Variants in CDH4 observed in about 807,000 individuals in gnomAD.
CDH4 encodes cadherin 4.
CDH4 carries 33 observed loss-of-function variants against 86.0 expected under a neutral mutation model. The ratio of observed to expected loss-of-function variants is 0.38; its 90% CI spans 0.29 to 0.51. CDH4 has a LOEUF of 0.51. Ranked by LOEUF, CDH4 falls within the 20% of genes least tolerant of loss-of-function variation. The pLI, the probability that CDH4 is intolerant of heterozygous loss-of-function variation, is 0.86. For missense variants in CDH4, 1,114 were observed against 1,307.4 expected, an observed-to-expected ratio of 0.85 and a Z score of 2.28; for synonymous variants, 555 against 549.4, an observed-to-expected ratio of 1.01 and a Z score of -0.14.
intron 9 of CDH4, among the ~76,000 whole-genome samples, chr20:61,923,073 C>T (rs1007125806): frequency 3.3e-5 from 5 of 152,186 alleles, no homozygotes; most frequent in Non-Finnish European, 5.9e-5. Context: ...TGGCCAACAA[C>T]GTCAGGAGCC....
chr20:61,466,315 G>A (rs906503663), intron 2 of CDH4, among the ~76,000 whole-genome samples: 1 of 152,322 alleles, frequency 6.6e-6, no homozygotes, highest in African/African-American at 2.4e-5. Context: ...CACCAAGATA[G>A]GCGGCTTTGC....
chr20:61,628,188 G>A (rs769212480), intron 2 of CDH4, among the ~76,000 whole-genome samples: 23 of 152,120 alleles, frequency 1.5e-4, no homozygotes, highest in Admixed American at 9.8e-4. Context: ...TCACATGTGC[G>A]GTTTCCCCTT....
At chr20:61,293,444 G>A (rs6101297) in intron 2 of CDH4, among the ~76,000 whole-genome samples, 57 of 152,264 alleles carry the variant, frequency 3.7e-4, no homozygotes, top group African/African-American at 1.3e-3. Context: ...CCAGGTGCCC[G>A]GCAGGCGTGC....
intron 7 of CDH4, among the ~76,000 whole-genome samples, chr20:61,877,785 A>G (rs1002887499): frequency 1.3e-5 from 2 of 152,226 alleles, no homozygotes; most frequent in African/African-American, 4.8e-5. Context: ...CATGTGGACC[A>G]GCATCGTGGG....
Position 61,929,725 on chromosome 20 carries a change from G to A in CDH4, c.2122G>A (p.Val708Ile). Residue 708 changes from valine to isoleucine, a missense_variant, in exon 13 of 16, where the codon GTC (valine) becomes ATC (isoleucine). By Grantham distance (29) the Val-to-Ile change is conservative. Coordinates refer to ENST00000614565, the MANE Select transcript of CDH4 (RefSeq NM_001794.5). ...PPLSNTSIIKVKVCPCDDNGD... is the reference protein window; with the variant it reads ...PPLSNTSIIKIKVCPCDDNGD... ...CCTGTCCAACACGTCCATCATCAAAGTCAAGGTGTGCCCATGTGATGACAA... is the reference window on the plus strand; with the variant it reads ...CCTGTCCAACACGTCCATCATCAAAATCAAGGTGTGCCCATGTGATGACAA... The A allele has an allele frequency of 6.2e-7, 1 of 1,614,206 alleles. No individual in the cohort carries two copies. Among genetic ancestry groups the A allele is most frequent in the Non-Finnish European group, 8.5e-7 (1 of 1,180,026 alleles).
intron 2 of CDH4, among the ~76,000 whole-genome samples, chr20:61,279,940 T>C (rs1294453967): frequency 6.6e-5 from 10 of 152,158 alleles, no homozygotes; most frequent in Non-Finnish European, 1.5e-5. Context: ...CACCAGGGCC[T>C]GTTGGTTGCA....
At chr20:61,653,763 G>A (rs1600843279) in intron 2 of CDH4, among the ~76,000 whole-genome samples, 1 of 111,572 alleles carries the variant, frequency 9.0e-6, no homozygotes, top group Non-Finnish European at 2.1e-5. Context: ...CGGGGCAGAG[G>A]CGCTCCCCAC....
At chr20:61,328,071 T>C (rs1236967443) in intron 2 of CDH4, among the ~76,000 whole-genome samples, 2 of 152,224 alleles carry the variant, frequency 1.3e-5, no homozygotes. Flanking sequence ...TTGTTAAATG[T>C]ACAGTTTAGC....
chr20:61,800,466 G>A (rs1156615797), intron 4 of CDH4, among the ~76,000 whole-genome samples: 1 of 152,230 alleles, frequency 6.6e-6, no homozygotes, highest in Non-Finnish European at 1.5e-5. Context: ...CTCCACGGGG[G>A]ATGGTGCTTC....
intron 2 of CDH4, among the ~76,000 whole-genome samples, chr20:61,403,471 C>T (rs1466450557): frequency 1.3e-5 from 2 of 152,098 alleles, no homozygotes; most frequent in Non-Finnish European, 2.9e-5. Flanking sequence ...GTCTACGGTC[C>T]CCTCTCTAGA....
intron 4 of CDH4, among the ~76,000 whole-genome samples, chr20:61,792,717 C>A (rs1265419594): frequency 6.6e-6 from 1 of 151,848 alleles, no homozygotes; most frequent in African/African-American, 2.4e-5. Flanking sequence ...GTGGCATGAT[C>A]TCAGCTCACT....
chr20:61,306,882 G>A (rs893210326), intron 2 of CDH4, among the ~76,000 whole-genome samples: 2 of 152,138 alleles, frequency 1.3e-5, no homozygotes, highest in African/African-American at 4.8e-5. Flanking sequence ...TGTACGCCTG[G>A]CTTCTTTCCT....
chr20:61,414,156 G>A (rs980259301), intron 2 of CDH4, among the ~76,000 whole-genome samples: 5 of 152,236 alleles, frequency 3.3e-5, no homozygotes, highest in Admixed American at 6.5e-5. Context: ...ATACAGTCAC[G>A]TTCTGTGCTG....
intron 2 of CDH4, among the ~76,000 whole-genome samples, chr20:61,567,074 G>T (rs2086303988): frequency 6.6e-6 from 1 of 152,188 alleles, no homozygotes; most frequent in Non-Finnish European, 1.5e-5. Context: ...GTTAGCATGG[G>T]ACTCAACCTG....
At chr20:61,661,209 C>T (rs890082342) in intron 2 of CDH4, among the ~76,000 whole-genome samples, 1 of 152,134 alleles carries the variant, frequency 6.6e-6, no homozygotes, top group African/African-American at 2.4e-5. Context: ...CTGTCACCGT[C>T]AGCCGGTGGT....
At chr20:61,626,372 G>A (rs1283300510) in intron 2 of CDH4, among the ~76,000 whole-genome samples, 4 of 152,156 alleles carry the variant, frequency 2.6e-5, no homozygotes, top group African/African-American at 9.7e-5. Flanking sequence ...TGCGTTTTCT[G>A]TCTGGCCTTG....
intron 4 of CDH4, among the ~76,000 whole-genome samples, chr20:61,786,007 A>C (rs989683137): frequency 6.6e-6 from 1 of 152,244 alleles, no homozygotes; most frequent in Middle Eastern, 3.4e-3. Context: ...CTCCCCTGTA[A>C]GTGGACTGTG....
At chr20:61,537,199 G>A (rs1055717631) in intron 2 of CDH4, among the ~76,000 whole-genome samples, 1 of 152,194 alleles carries the variant, frequency 6.6e-6, no homozygotes, top group Non-Finnish European at 1.5e-5. Flanking sequence ...TGCTGCCTTT[G>A]TCACATGGTA....
chr20:61,498,167 T>C (rs972382117), intron 2 of CDH4, among the ~76,000 whole-genome samples: 1 of 151,738 alleles, frequency 6.6e-6, no homozygotes, highest in Non-Finnish European at 1.5e-5. Context: ...GTAACTAACC[T>C]GCACGTTGTG....
Sources: gnomAD v4.1 joint callset for allele counts (sites outside exome capture counted in the v4.1 genomes callset) on GRCh38, gnomAD v4.1.1 for gene constraint, MANE v1.5 for transcripts, NCBI Gene and HGNC (gene_info 2026-07-23, HGNC 2026-07-21) for gene names.